MYH16: variants seen among roughly 807,000 people sequenced by gnomAD.
MYH16 encodes putative uncharacterized protein MYH16.
chr7:99,244,973 C>A (rs755803372), intron 2 of MYH16, among the ~76,000 whole-genome samples: 1 of 152,222 alleles, frequency 6.6e-6, no homozygotes, highest in African/African-American at 2.4e-5. Flanking sequence ...TACATTAAAG[C>A]GCCTCAATAG....
At chr7:99,259,791 A>ATGTATATATTATATATATGTATGTATG (rs1791917691) in intron 11 of MYH16, among the ~76,000 whole-genome samples, 1 of 147,130 alleles carries the variant, frequency 6.8e-6, no homozygotes, top group Non-Finnish European at 1.5e-5. Context: ...CGTATATTGT[A>ATGTATATATTATATATATGTATGTATG]TGTATATATT....
chr7:99,279,249 C>T (rs546802575), intron 21 of MYH16, among the ~76,000 whole-genome samples: 1 of 149,490 alleles, frequency 6.7e-6, no homozygotes, highest in Admixed American at 6.8e-5. Context: ...GCCTCAGCTA[C>T]TTGGGAGGAT....
At chr7:99,292,049 C>T (rs1295121653) in intron 31 of MYH16, among the ~76,000 whole-genome samples, 4 of 152,122 alleles carry the variant, frequency 2.6e-5, no homozygotes, top group South Asian at 2.1e-4. Flanking sequence ...TATTTGATAT[C>T]GTAGCAAGTA....
At chr7:99,257,071 T>A (rs1435129427) in intron 9 of MYH16, among the ~76,000 whole-genome samples, 1 of 152,250 alleles carries the variant, frequency 6.6e-6, no homozygotes, top group African/African-American at 2.4e-5. Context: ...ATTTTGCAGA[T>A]GACGAAACAG....
chr7:99,257,849 G>A (rs1394046438), intron 10 of MYH16, among the ~76,000 whole-genome samples: 1 of 152,076 alleles, frequency 6.6e-6, no homozygotes, highest in East Asian at 1.9e-4. Context: ...GTCTTGCTAT[G>A]TTGCCCAGGC....
At chr7:99,270,470 C>T (rs940340358) in intron 18 of MYH16, among the ~76,000 whole-genome samples, 7 of 151,684 alleles carry the variant, frequency 4.6e-5, no homozygotes, top group Non-Finnish European at 7.4e-5. Flanking sequence ...TACAGGCGCC[C>T]GCCACCACGC....
At chr7:99,251,359 C>T (rs957487677) in intron 6 of MYH16, among the ~76,000 whole-genome samples, 7 of 152,110 alleles carry the variant, frequency 4.6e-5, no homozygotes, top group Admixed American at 3.9e-4. Flanking sequence ...AAATTGGCAA[C>T]GAGGAAAAAC....
intron 18 of MYH16, among the ~76,000 whole-genome samples, chr7:99,270,439 AG>A (rs1327036157): frequency 1.3e-5 from 2 of 150,042 alleles, no homozygotes; most frequent in East Asian, 4.0e-4. Flanking sequence ...CTCCTGCCTC[AG>A]CCTCCTGAGT....
chr7:99,270,577 A>G (rs560890535), intron 18 of MYH16, among the ~76,000 whole-genome samples: 1 of 151,126 alleles, frequency 6.6e-6, no homozygotes, highest in African/African-American at 2.4e-5. Context: ...TCGGCCTCCC[A>G]AAGTGCTGGG....
downstream of MYH16, among the ~76,000 whole-genome samples, chr7:99,310,034 T>TA (rs952067145): frequency 3.1e-4 from 47 of 149,224 alleles, no homozygotes; most frequent in Middle Eastern, 3.4e-3. Context: ...AATAAAAAAA[T>TA]AAAAAAAAAC....
chr7:99,241,684 C>T (rs1324109658), intron 1 of MYH16, among the ~76,000 whole-genome samples: 1 of 152,094 alleles, frequency 6.6e-6, no homozygotes, highest in Non-Finnish European at 1.5e-5. Flanking sequence ...CCAGAACTGT[C>T]AAGATTTCAA....
intron 1 of MYH16, among the ~76,000 whole-genome samples, chr7:99,241,386 C>A (rs768291844): frequency 6.6e-6 from 1 of 152,150 alleles, no homozygotes; most frequent in Non-Finnish European, 1.5e-5. Context: ...AGTTTGAGAC[C>A]AGCCTGGCCA....
chr7:99,303,495 A>G (rs1425612005), intron 39 of MYH16, among the ~76,000 whole-genome samples: 1 of 152,372 alleles, frequency 6.6e-6, no homozygotes, highest in African/African-American at 2.4e-5. Flanking sequence ...CTTTTTGGCA[A>G]TGAGATGCAT....
rs1490064678 is a variant in MYH16, at chr7:99,298,518, C to T, written n.4740+523C>T. Among the ~76,000 whole-genome samples the T allele has an allele frequency of 2.0e-5, 3 of 152,194 alleles. No homozygotes were observed. In the East Asian group the frequency reaches 5.8e-4, roughly 29 times the overall value. On this transcript the variant is annotated intron_variant and non_coding_transcript_variant, in intron 36 of 41. Transcript: ENST00000439784. ...AAAGTGCTGGGATTACAGGCATGAGCCATCGTGCCCGGCCTATGAACACTT... is the reference window on the plus strand; with the variant it reads ...AAAGTGCTGGGATTACAGGCATGAGTCATCGTGCCCGGCCTATGAACACTT...
chr7:99,298,844 G>C (rs1792544750), intron 36 of MYH16, among the ~76,000 whole-genome samples: 1 of 150,380 alleles, frequency 6.6e-6, no homozygotes, highest in African/African-American at 2.4e-5. Flanking sequence ...GTATACATGT[G>C]CCATGCTGGT....
chr7:99,287,748 C>T (rs899293924), intron 28 of MYH16, 144 bp from the exon 10 acceptor site: 1 of 361,276 alleles, frequency 2.8e-6, no homozygotes, highest in Non-Finnish European at 5.5e-6. Context: ...CCCCACCCCC[C>T]AAAGGCTAAA....
intron 13 of MYH16, among the ~76,000 whole-genome samples, chr7:99,262,832 C>T (rs1298236995): frequency 6.6e-6 from 1 of 152,184 alleles, no homozygotes; most frequent in Non-Finnish European, 1.5e-5. Context: ...AGTGTGCATG[C>T]TCCCCTAGCA....
intron 20 of MYH16, among the ~76,000 whole-genome samples, chr7:99,275,362 T>C (rs2150817629): frequency 6.6e-6 from 1 of 152,220 alleles, no homozygotes; most frequent in Non-Finnish European, 1.5e-5. Flanking sequence ...AAACTCCTGA[T>C]CTCAAGTGAT....
chr7:99,259,862 T>TAC (rs1791919433), intron 11 of MYH16, among the ~76,000 whole-genome samples: 1 of 149,494 alleles, frequency 6.7e-6, no homozygotes, highest in South Asian at 2.1e-4. Context: ...TATATATATA[T>TAC]ATATATTTCT....
Sources: gnomAD v4.1 joint callset for allele counts (sites outside exome capture counted in the v4.1 genomes callset) on GRCh38, gnomAD v4.1.1 for gene constraint, MANE v1.5 for transcripts, NCBI Gene and HGNC (gene_info 2026-07-23, HGNC 2026-07-21) for gene names.